The following ATG7 variants were observed in gnomAD, a reference collection of about 807,000 sequenced individuals.
The protein encoded by ATG7 is autophagy related 7.
Under a neutral mutation model 82.4 loss-of-function variants are expected in ATG7, and 70 were observed. That is an observed-to-expected ratio of 0.85 (90% CI 0.70 to 1.04). The LOEUF is 1.04. ATG7 is among the 50% of genes least tolerant of loss of function. The pLI, the probability that ATG7 is intolerant of heterozygous loss-of-function variation, is 0.00. For synonymous variants in ATG7, 287 were observed against 313.0 expected (o/e 0.92, Z 0.88); for missense variants, 792 against 864.3 (o/e 0.92, Z 1.05).
intron 20 of ATG7, among the ~76,000 whole-genome samples, chr3:11,504,196 T>C (rs955267641): frequency 6.6e-6 from 1 of 152,012 alleles, no homozygotes. Context: ...TCAGAGTTGT[T>C]TTTGGACTTC....
chr3:11,486,840 T>TTAA (rs34461730), intron 20 of ATG7, among the ~76,000 whole-genome samples: 2 of 133,502 alleles, frequency 1.5e-5, no homozygotes, highest in East Asian at 4.4e-4. Context: ...TTTTTTTTTT[T>TTAA]AATTTATTTT....
intron 5 of ATG7, among the ~76,000 whole-genome samples, chr3:11,305,835 C>CT (rs1254668411): frequency 5.9e-5 from 9 of 152,196 alleles, no homozygotes; most frequent in Admixed American, 5.9e-4. Context: ...GATTTCTACT[C>CT]TTTCAGCCCC....
chr3:11,509,656 C>A (rs2091941978), intron 20 of ATG7, among the ~76,000 whole-genome samples: 4 of 152,190 alleles, frequency 2.6e-5, no homozygotes, highest in Non-Finnish European at 5.9e-5. Flanking sequence ...CCACCCCTCC[C>A]CCAATCTATC....
chr3:11,473,178 T>C (rs1439906026), intron 20 of ATG7, among the ~76,000 whole-genome samples: 1 of 152,228 alleles, frequency 6.6e-6, no homozygotes, highest in Non-Finnish European at 1.5e-5. Context: ...CACTTTGGGC[T>C]TTGTTTCATT....
At chr3:11,340,324 T>C (rs537357839) in intron 11 of ATG7, among the ~76,000 whole-genome samples, 7 of 152,126 alleles carry the variant, frequency 4.6e-5, no homozygotes, top group South Asian at 4.2e-4. Context: ...TTTTTTTTTT[T>C]CAGCAACTTC....
At chr3:11,558,480 T>C, downstream of ATG7, 1 of 1,488,218 alleles carries the variant, frequency 6.7e-7, no homozygotes. Context: ...CCATGATTTT[T>C]TTTTTTTTAA....
chr3:11,361,504 C>T (rs1458311122), intron 16 of ATG7, among the ~76,000 whole-genome samples: 3 of 151,936 alleles, frequency 2.0e-5, no homozygotes. Context: ...TGGCTGGTCT[C>T]GAACTCCTGA....
downstream of ATG7, among the ~76,000 whole-genome samples, chr3:11,562,582 C>T (rs954137709): frequency 4.3e-4 from 66 of 152,368 alleles, no homozygotes; most frequent in African/African-American, 1.5e-3. Flanking sequence ...GCACAGGCAA[C>T]GTGGCTGCTT....
intron 5 of ATG7, among the ~76,000 whole-genome samples, chr3:11,303,648 A>T (rs1302012802): frequency 6.6e-6 from 1 of 151,664 alleles, no homozygotes; most frequent in Non-Finnish European, 1.5e-5. Context: ...GGCCTGGGCG[A>T]CAGAGCGAGA....
intron 20 of ATG7, among the ~76,000 whole-genome samples, chr3:11,547,115 C>T (rs1260450600): frequency 2.0e-5 from 3 of 152,122 alleles, no homozygotes; most frequent in Non-Finnish European, 4.4e-5. Flanking sequence ...TGTCTGGGGC[C>T]CAGAGGGCAG....
intron 19 of ATG7, among the ~76,000 whole-genome samples, chr3:11,400,540 G>A (rs888453008): frequency 1.3e-5 from 2 of 151,918 alleles, no homozygotes; most frequent in Non-Finnish European, 2.9e-5. Context: ...TTTTTCCTTC[G>A]AAGAGTAGAT....
At position 11,313,443 on chromosome 3, in the gene ATG7, C is replaced by T. The variant is rs200786439; in HGVS notation, c.528+23C>T. On this transcript the variant is annotated intron_variant, in intron 8 of 20. Coordinates refer to ENST00000693202, the MANE Select transcript of ATG7 (RefSeq NM_001349232.2). ...CAGGTATCAACAAATAACCAAAATG[C>T]ACATAAAATTGGGTTGAATGTGCAA... 2.4e-5 allele frequency: 37 copies of T among 1,543,578 alleles called. No individual in the cohort carries two copies. The East Asian group carries it at 7.7e-4, about 32-fold the overall frequency.
intron 20 of ATG7, among the ~76,000 whole-genome samples, chr3:11,428,613 T>C (rs1418798836): frequency 6.6e-6 from 1 of 152,240 alleles, no homozygotes; most frequent in East Asian, 1.9e-4. Context: ...AAGGTATTTT[T>C]CCCCTGAATT....
intron 14 of ATG7, among the ~76,000 whole-genome samples, chr3:11,352,346 T>C (rs1039945575): frequency 5.9e-5 from 9 of 152,244 alleles, no homozygotes; most frequent in African/African-American, 1.9e-4. Context: ...GCATGATTTA[T>C]AATTCTTTGG....
intron 20 of ATG7, among the ~76,000 whole-genome samples, chr3:11,437,385 C>T (rs2083460661): frequency 6.6e-6 from 1 of 152,136 alleles, no homozygotes; most frequent in African/African-American, 2.4e-5. Flanking sequence ...AAATGCCTCC[C>T]CTCTGTGCTT....
intron 20 of ATG7, among the ~76,000 whole-genome samples, chr3:11,523,047 A>G (rs73123008): frequency 0.016 from 2,406 of 152,224 alleles, 69 homozygotes; most frequent in African/African-American, 0.056. Flanking sequence ...TGTACTTTAT[A>G]AAGTATGTTG....
intron 20 of ATG7, among the ~76,000 whole-genome samples, chr3:11,551,075 C>G (rs1203572626): frequency 6.6e-6 from 1 of 152,154 alleles, no homozygotes; most frequent in Non-Finnish European, 1.5e-5. Context: ...TCGTAATGAG[C>G]CGAGATGGCA....
intron 18 of ATG7, among the ~76,000 whole-genome samples, chr3:11,365,149 G>A (rs2076516761): frequency 6.6e-6 from 1 of 152,170 alleles, no homozygotes; most frequent in Admixed American, 6.5e-5. Context: ...GACATCACCT[G>A]GTAGTTGTAT....
At chr3:11,385,716 G>A (rs1454920608) in intron 19 of ATG7, among the ~76,000 whole-genome samples, 4 of 152,182 alleles carry the variant, frequency 2.6e-5, no homozygotes, top group Admixed American at 2.0e-4. Context: ...ATGTTAAAGG[G>A]TCAAGTAGGA....
Sources: gnomAD v4.1 joint callset for allele counts (sites outside exome capture counted in the v4.1 genomes callset) on GRCh38, gnomAD v4.1.1 for gene constraint, MANE v1.5 for transcripts, NCBI Gene and HGNC (gene_info 2026-07-23, HGNC 2026-07-21) for gene names.